Variants in NEXMIF observed in about 807,000 individuals in gnomAD.
The protein encoded by NEXMIF is neurite extension and migration factor.
A neutral mutation model predicts 62.1 loss-of-function variants in NEXMIF; 8 were observed. The observed-to-expected ratio is 0.13, with a 90% confidence interval of 0.08 to 0.23. The LOEUF (loss-of-function observed/expected upper bound fraction) is 0.23. Among genes scored for constraint, NEXMIF ranks in the 10% least tolerant of loss-of-function variants. The pLI, the probability that NEXMIF is intolerant of heterozygous loss-of-function variation, is 1.00. For missense variants in NEXMIF, 976 were observed against 1,113.3 expected (o/e 0.88, Z 1.75); for synonymous variants, 404 against 416.6 (o/e 0.97, Z 0.37).
chrX:74,850,796 A>T (rs1158157112), intron 1 of NEXMIF, among the ~76,000 whole-genome samples: 1 of 110,978 alleles, frequency 9.0e-6, no homozygotes, highest in Non-Finnish European at 1.9e-5. Context: ...CAATGGAGGG[A>T]CACAAGAAAC....
Position 74,886,348 on chromosome X carries a change from G to A in NEXMIF, c.-48+38535C>T, listed in dbSNP as rs185587781. On this transcript the variant is annotated intron_variant, in intron 1 of 3. Coordinates refer to ENST00000055682, the MANE Select transcript of NEXMIF (RefSeq NM_001008537.3). ...AAAGGGTATTCAATTAGGAAAAGAG[G>A]AAGTCAAATTGTCCCTGTTTGCAGA... is the stretch of plus-strand genomic sequence containing the variant. Among the ~76,000 whole-genome samples, 516 of 111,688 alleles carry A rather than the reference G, an allele frequency of 4.6e-3. 3 individuals are homozygous for A. The highest frequency in any genetic ancestry group is 0.014 in the Middle Eastern group (3 of 218).
intron 1 of NEXMIF, among the ~76,000 whole-genome samples, chrX:74,923,477 C>G (rs1352041190): frequency 6.2e-5 from 7 of 112,030 alleles, no homozygotes; most frequent in African/African-American, 2.3e-4. Context: ...TTACTTAGGA[C>G]TTTTTTGTTC....
chrX:74,913,332 A>G (rs185046824), intron 1 of NEXMIF, among the ~76,000 whole-genome samples: 4 of 112,234 alleles, frequency 3.6e-5, no homozygotes, highest in African/African-American at 1.3e-4. Context: ...ACTTGAAAAT[A>G]TAATGATAGA....
intron 1 of NEXMIF, among the ~76,000 whole-genome samples, chrX:74,759,578 A>G (rs896154878): frequency 1.8e-5 from 2 of 112,192 alleles, no homozygotes; most frequent in Non-Finnish European, 3.8e-5. Flanking sequence ...GGTGTAAAGA[A>G]GGTGTTCAGT....
At chrX:74,830,036 A>C (rs2080430996) in intron 1 of NEXMIF, among the ~76,000 whole-genome samples, 1 of 111,622 alleles carries the variant, frequency 9.0e-6, no homozygotes, top group African/African-American at 3.3e-5. Context: ...TTTGCTGTAC[A>C]GAATCTTTTT....
Position 74,846,433 on chromosome X carries a change from G to T in NEXMIF, c.-48+78450C>A, listed in dbSNP as rs1241198707. 3.6e-5 allele frequency among the ~76,000 whole-genome samples: 4 copies of T among 111,303 alleles called. No individual in the cohort carries two copies. The East Asian group carries it at 8.4e-4, about 23-fold the overall frequency. On this transcript the variant is annotated intron_variant, in intron 1 of 3. Coordinates refer to ENST00000055682, the MANE Select transcript of NEXMIF (RefSeq NM_001008537.3). ...CTAGCCTATGGATATCCTGTCTATG[G>T]ACTATTTAACTAGCTCTCAATACCA...
intron 1 of NEXMIF, among the ~76,000 whole-genome samples, chrX:74,841,233 G>A (rs1363505788): frequency 9.0e-6 from 1 of 110,707 alleles, no homozygotes; most frequent in East Asian, 2.8e-4. Flanking sequence ...TTATTCTTTT[G>A]TGGCAATTGT....
At chrX:74,753,029 G>A (rs1490212608) in intron 1 of NEXMIF, among the ~76,000 whole-genome samples, 1 of 111,492 alleles carries the variant, frequency 9.0e-6, no homozygotes, top group Non-Finnish European at 1.9e-5. Context: ...ACTATAGCCT[G>A]GCCCTTTCTG....
intron 1 of NEXMIF, among the ~76,000 whole-genome samples, chrX:74,804,461 A>G (rs1165878713): frequency 8.9e-6 from 1 of 112,008 alleles, no homozygotes; most frequent in East Asian, 2.8e-4. Flanking sequence ...TTCAAGGTCC[A>G]AGGGCTCTTT....
chrX:74,839,488 GT>G (rs1311760223), intron 1 of NEXMIF, among the ~76,000 whole-genome samples: 1 of 111,701 alleles, frequency 9.0e-6, no homozygotes, highest in African/African-American at 3.3e-5. Context: ...ATGGGAGTTT[GT>G]TTTACAGATT....
At chrX:74,813,914 GA>G (rs1325116885) in intron 1 of NEXMIF, among the ~76,000 whole-genome samples, 2 of 111,782 alleles carry the variant, frequency 1.8e-5, no homozygotes, top group Admixed American at 1.9e-4. Flanking sequence ...TAATACACAT[GA>G]AAAGGGATAA....
Position 74,742,841 on chromosome X carries a change from C to A in NEXMIF, c.1716G>T (p.Glu572Asp), listed in dbSNP as rs148005156. 4.3e-5 allele frequency: 52 copies of A among 1,209,388 alleles called. No individual in the cohort carries two copies. The African/African-American group carries it at 8.4e-4, about 20-fold the overall frequency. ...GCTTGGCATATTTGTTGAGCTGATT[C>A]TCACTCAAATTCACTGTTGTCTCAC... ...DASETTVNLS[E>D]NQLNKYAKLA... Residue 572 changes from glutamate (E) to aspartate (D), a missense_variant, in exon 3 of 4, where the codon GAG becomes GAT. By Grantham distance (45) the Glu-to-Asp change is conservative. Coordinates refer to ENST00000055682, the MANE Select transcript of NEXMIF (RefSeq NM_001008537.3).
chrX:74,796,811 G>C (rs1312044478), intron 1 of NEXMIF, among the ~76,000 whole-genome samples: 9 of 111,803 alleles, frequency 8.0e-5, no homozygotes, highest in Non-Finnish European at 1.1e-4. Flanking sequence ...CGTCCTAACA[G>C]AAGAATTCTA....
intron 1 of NEXMIF, among the ~76,000 whole-genome samples, chrX:74,793,011 T>C (rs1200579528): frequency 9.2e-6 from 1 of 109,110 alleles, no homozygotes; most frequent in Non-Finnish European, 1.9e-5. Flanking sequence ...AATTTGATCC[T>C]GTCATTATGA....
chrX:74,892,406 G>C (rs1439362071), intron 1 of NEXMIF, among the ~76,000 whole-genome samples: 1 of 111,681 alleles, frequency 9.0e-6, no homozygotes. Context: ...TGGGTGCTCA[G>C]GTCACTTTAC....
chrX:74,795,671 G>A (rs1033952541), intron 1 of NEXMIF, among the ~76,000 whole-genome samples: 2 of 111,357 alleles, frequency 1.8e-5, no homozygotes, highest in African/African-American at 6.5e-5. Flanking sequence ...TACAAAGAAT[G>A]AGCCTTAACA....
chrX:74,854,442 G>A (rs6607491), intron 1 of NEXMIF, among the ~76,000 whole-genome samples: 15,054 of 111,038 alleles, frequency 0.14, 1,634 homozygotes, highest in East Asian at 0.91. Flanking sequence ...ACTAAAGACC[G>A]TATGTAAACA....
intron 1 of NEXMIF, among the ~76,000 whole-genome samples, chrX:74,788,797 C>T (rs1166010732): frequency 9.1e-6 from 1 of 109,923 alleles, no homozygotes; most frequent in Non-Finnish European, 1.9e-5. Flanking sequence ...ATCCCTTTGC[C>T]AAGAAAAGGG....
chrX:74,880,981 C>T (rs1303238116), intron 1 of NEXMIF, among the ~76,000 whole-genome samples: 1 of 111,226 alleles, frequency 9.0e-6, no homozygotes, highest in African/African-American at 3.3e-5. Flanking sequence ...CATCTCAGCT[C>T]CACCTATTTA....
Sources: gnomAD v4.1 joint callset for allele counts (sites outside exome capture counted in the v4.1 genomes callset) on GRCh38, gnomAD v4.1.1 for gene constraint, MANE v1.5 for transcripts, NCBI Gene and HGNC (gene_info 2026-07-23, HGNC 2026-07-21) for gene names.